MITF: variants seen among roughly 807,000 people sequenced by gnomAD.
The protein encoded by MITF is melanocyte inducing transcription factor.
In MITF, 17 loss-of-function variants were observed where a neutral mutation model predicts 60.5. The ratio of observed to expected loss-of-function variants is 0.28; its 90% CI spans 0.19 to 0.42. The LOEUF (loss-of-function observed/expected upper bound fraction) is 0.42, where lower values mean the gene tolerates loss of function less well. Among genes scored for constraint, MITF ranks in the 10% least tolerant of loss-of-function variants. The probability of loss-of-function intolerance (pLI) is 1.00; values close to 1 mark genes in which losing one functional copy is unlikely to be tolerated. For missense variants in MITF, 622 were observed against 683.5 expected, an observed-to-expected ratio of 0.91 and a Z score of 1.00; for synonymous variants, 260 against 248.5, an observed-to-expected ratio of 1.05 and a Z score of -0.43.
chr3:69,801,667 G>A (rs1398580341), intron 1 of MITF, among the ~76,000 whole-genome samples: 2 of 152,162 alleles, frequency 1.3e-5, no homozygotes, highest in African/African-American at 2.4e-5. Flanking sequence ...CCATGCAGTA[G>A]GAAGGCATAC....
chr3:69,849,304 G>A (rs1432093117), intron 1 of MITF, among the ~76,000 whole-genome samples: 1 of 152,194 alleles, frequency 6.6e-6, no homozygotes, highest in Non-Finnish European at 1.5e-5. Context: ...GTCTATGAAT[G>A]AAGCAGGATG....
chr3:69,824,867 A>C (rs9858495), intron 1 of MITF, among the ~76,000 whole-genome samples: 1 of 152,042 alleles, frequency 6.6e-6, no homozygotes, highest in Non-Finnish European at 1.5e-5. Flanking sequence ...GATGGATTCC[A>C]GTAAGCTCCA....
At chr3:69,852,052 T>A (rs1248925914) in intron 1 of MITF, among the ~76,000 whole-genome samples, 1 of 152,126 alleles carries the variant, frequency 6.6e-6, no homozygotes, top group Non-Finnish European at 1.5e-5. Flanking sequence ...AGGGTGATTT[T>A]AAGATTATAA....
chr3:69,806,427 G>A (rs1212633148), intron 1 of MITF, among the ~76,000 whole-genome samples: 7 of 152,072 alleles, frequency 4.6e-5, no homozygotes, highest in Non-Finnish European at 1.0e-4. Flanking sequence ...TTTCAAATGA[G>A]GAATTCATTT....
At chr3:69,787,107 C>T (rs1170888186) in intron 1 of MITF, among the ~76,000 whole-genome samples, 1 of 152,158 alleles carries the variant, frequency 6.6e-6, no homozygotes, top group Non-Finnish European at 1.5e-5. Context: ...GGGAGCTCTT[C>T]CACGATAGCA....
rs142908560 is a variant in MITF at position 69,776,898 on chromosome 3, A to G, written c.104+37197A>G. On this transcript the variant is annotated intron_variant, in intron 1 of 9. Coordinates refer to ENST00000352241, the MANE Select transcript of MITF (RefSeq NM_001354604.2). ...TACTATGAATATGCCTCTGGCTTAT[A>G]TAGAACTTATATTCGAAGTGAATTC... Among the ~76,000 whole-genome samples, 24 of 152,332 alleles carry G rather than the reference A, an allele frequency of 1.6e-4. No homozygotes were observed. In the East Asian group the frequency reaches 3.1e-3, roughly 20 times the overall value.
At chr3:69,818,188 A>C (rs554048434) in intron 1 of MITF, among the ~76,000 whole-genome samples, 1 of 152,170 alleles carries the variant, frequency 6.6e-6, no homozygotes, top group Non-Finnish European at 1.5e-5. Flanking sequence ...ATAGCTTCTC[A>C]TCAGTAGGAC....
chr3:69,876,505 A>G (rs971745661), intron 1 of MITF, among the ~76,000 whole-genome samples: 1 of 152,050 alleles, frequency 6.6e-6, no homozygotes, highest in Non-Finnish European at 1.5e-5. Context: ...CACATACTCT[A>G]AAATGGGAAA....
chr3:69,936,451 C>A, intron 2 of MITF: 1 of 524,224 alleles, frequency 1.9e-6, no homozygotes, highest in Non-Finnish European at 3.0e-6. Flanking sequence ...GACGTCAAGC[C>A]AGGGGGAAAA....
chr3:69,783,435 G>A (rs1050697351), intron 1 of MITF, among the ~76,000 whole-genome samples: 3 of 151,214 alleles, frequency 2.0e-5, no homozygotes, highest in South Asian at 4.2e-4. Flanking sequence ...TCAAGTGTTT[G>A]TATGTGTGTG....
intron 5 of MITF, among the ~76,000 whole-genome samples, chr3:69,946,150 T>C (rs1012956436): frequency 2.6e-5 from 4 of 152,174 alleles, no homozygotes; most frequent in African/African-American, 9.6e-5. Context: ...TTTATCTCTA[T>C]TAAATCTTAT....
At chr3:69,796,470 G>T (rs1196369121) in intron 1 of MITF, among the ~76,000 whole-genome samples, 1 of 144,552 alleles carries the variant, frequency 6.9e-6, no homozygotes, top group African/African-American at 2.5e-5. Context: ...ACAGCAGTTT[G>T]TGAAGCTTAC....
At chr3:69,936,441 G>A in intron 2 of MITF, 1 of 464,182 alleles carries the variant, frequency 2.2e-6, no homozygotes, top group Non-Finnish European at 3.6e-6. Flanking sequence ...AAAAAAGCAT[G>A]ACGTCAAGCC....
chr3:69,807,194 C>G (rs2063024034), intron 1 of MITF, among the ~76,000 whole-genome samples: 1 of 152,168 alleles, frequency 6.6e-6, no homozygotes, highest in South Asian at 2.1e-4. Flanking sequence ...TGCCTGACTT[C>G]TCTTTTATTT....
chr3:69,942,026 G>A (rs1159951719), intron 5 of MITF, among the ~76,000 whole-genome samples: 1 of 152,152 alleles, frequency 6.6e-6, no homozygotes, highest in East Asian at 1.9e-4. Context: ...TCTTACGCAA[G>A]ATTACATAGC....
intron 2 of MITF, among the ~76,000 whole-genome samples, chr3:69,888,895 A>G (rs2064688353): frequency 6.6e-6 from 1 of 151,932 alleles, no homozygotes; most frequent in South Asian, 2.1e-4. Context: ...TAAAACAAAA[A>G]ACGAAAAAAT....
intron 1 of MITF, among the ~76,000 whole-genome samples, chr3:69,813,436 G>A (rs1369199597): frequency 6.6e-6 from 1 of 152,192 alleles, no homozygotes; most frequent in Non-Finnish European, 1.5e-5. Flanking sequence ...TTCAGCTTAT[G>A]TGATAGGCAA....
At chr3:69,888,684 G>A (rs780296626) in intron 2 of MITF, among the ~76,000 whole-genome samples, 8 of 152,056 alleles carry the variant, frequency 5.3e-5, no homozygotes, top group Non-Finnish European at 1.0e-4. Flanking sequence ...TTACCCACAC[G>A]TTTCAAGACT....
chr3:69,858,036 GT>G lies in MITF; in HGVS notation c.105-21091del, dbSNP rs1340865467. Among the ~76,000 whole-genome samples, 16 of 152,020 alleles carry G rather than the reference GT, an allele frequency of 1.1e-4. 1 individual carries two copies. Among genetic ancestry groups the G allele is most frequent in the African/African-American group, 7.2e-5 (3 of 41,494 alleles). On this transcript the variant is annotated intron_variant, in intron 1 of 9. Coordinates refer to ENST00000352241, the MANE Select transcript of MITF (RefSeq NM_001354604.2). Reference sequence around the variant, plus strand: ...TAAATGTTAAGGGGAGAATTTAGTAGTTTTTTTAGGCATTATTTTTTTAAGA... The same window carrying G: ...TAAATGTTAAGGGGAGAATTTAGTAGTTTTTTAGGCATTATTTTTTTAAGA...
Sources: allele counts gnomAD v4.1 joint callset (sites outside exome capture counted in the v4.1 genomes callset), GRCh38; gene constraint gnomAD v4.1.1; transcripts MANE v1.5; gene names NCBI Gene and HGNC (gene_info 2026-07-23, HGNC 2026-07-21).